Variants in POLR1B observed in about 807,000 individuals in gnomAD.
The protein encoded by POLR1B is RNA polymerase I subunit B.
POLR1B carries 30 observed loss-of-function variants against 105.8 expected under a neutral mutation model. The ratio of observed to expected loss-of-function variants is 0.28; its 90% CI spans 0.21 to 0.38. The LOEUF (loss-of-function observed/expected upper bound fraction) is 0.38, where lower values mean the gene tolerates loss of function less well. POLR1B is among the 10% of genes least tolerant of loss of function. The probability of loss-of-function intolerance (pLI) is 1.00; values close to 1 mark genes in which losing one functional copy is unlikely to be tolerated. For synonymous variants in POLR1B, 485 were observed against 505.1 expected, an observed-to-expected ratio of 0.96 and a Z score of 0.53; for missense variants, 976 against 1,435.8, an observed-to-expected ratio of 0.68 and a Z score of 5.17.
chr2:112,568,235 G>A (rs1471167773), intron 11 of POLR1B, 98 bp downstream of exon 11: 4 of 1,221,002 alleles, frequency 3.3e-6, no homozygotes, highest in African/African-American at 3.0e-5. Flanking sequence ...GGTTGTTAAT[G>A]TTACAACAAC....
intron 8 of POLR1B, 68 bp downstream of exon 8, chr2:112,558,149 C>G: frequency 1.7e-6 from 2 of 1,202,784 alleles, no homozygotes; most frequent in Non-Finnish European, 2.1e-6. Context: ...TTGCCTGTCC[C>G]TGAGAGTTCT....
intron 1 of POLR1B, among the ~76,000 whole-genome samples, chr2:112,546,329 T>C (rs2104506446): frequency 6.6e-6 from 1 of 152,320 alleles, no homozygotes; most frequent in South Asian, 2.1e-4. Context: ...ATCCTTGCTC[T>C]ATTAGCAGTA....
At chr2:112,559,197 C>A in intron 8 of POLR1B, 96 bp from the exon 9 acceptor site, 2 of 1,347,490 alleles carry the variant, frequency 1.5e-6, no homozygotes, top group South Asian at 1.3e-5. Context: ...ATTCTATGAT[C>A]TGTAGAGTGC....
chr2:112,542,150 CA>C (rs1323488153), upstream of POLR1B: 2 of 1,535,716 alleles, frequency 1.3e-6, no homozygotes, highest in Non-Finnish European at 8.7e-7. Context: ...TTGACTGAGC[CA>C]ATGAGAGCCA....
intron 1 of POLR1B, among the ~76,000 whole-genome samples, chr2:112,543,363 G>A (rs1284834378): frequency 1.1e-4 from 7 of 66,390 alleles, no homozygotes; most frequent in Non-Finnish European, 3.4e-5. Context: ...GTCGTGTTTG[G>A]GGGTTGAAGG....
chr2:112,549,508 T>C, intron 4 of POLR1B, 109 bp downstream of exon 4: 1 of 891,300 alleles, frequency 1.1e-6, no homozygotes, highest in African/African-American at 1.7e-5. Flanking sequence ...TCTTTTTTTT[T>C]TTTTTTTTGG....
chr2:112,543,639 G>A (rs1345578932), intron 1 of POLR1B, among the ~76,000 whole-genome samples: 29 of 152,182 alleles, frequency 1.9e-4, no homozygotes, highest in Admixed American at 1.9e-3. Flanking sequence ...AATGTGGAGA[G>A]CTTTGATTGC....
rs532565771 is a variant in POLR1B, at chr2:112,573,228, G to C, written c.2272-334G>C. Among the ~76,000 whole-genome samples, 335 of 152,216 alleles carry C rather than the reference G, an allele frequency of 2.2e-3. 3 individuals are homozygous for C. The highest frequency in any genetic ancestry group is 2.9e-3 in the Non-Finnish European group (195 of 68,008). On this transcript the variant is annotated intron_variant, in intron 13 of 14. Transcript: ENST00000263331. ...AGCAGTTCTCCTGCCTCAGCCTCTC[G>C]AATAGCTGGGACTACAGGCACCCAT...
At chr2:112,563,785 T>A (rs1485297523) in intron 9 of POLR1B, among the ~76,000 whole-genome samples, 1 of 152,088 alleles carries the variant, frequency 6.6e-6, no homozygotes, top group Non-Finnish European at 1.5e-5. Flanking sequence ...ACCTGTCAGC[T>A]ACTCGGGAGG....
intron 7 of POLR1B, 88 bp from the exon 8 acceptor site, chr2:112,557,822 G>A: frequency 3.1e-6 from 2 of 653,474 alleles, no homozygotes; most frequent in Non-Finnish European, 4.1e-6. Flanking sequence ...TTGGTCTCAA[G>A]CGATCCACCC....
rs191558837 is a variant in POLR1B at position 112,567,948 on chromosome 2, C to G, written c.1747-19C>G. 1 of 1,611,222 alleles carries G rather than the reference C, an allele frequency of 6.2e-7. No individual in the cohort carries two copies. The highest frequency in any genetic ancestry group is 8.5e-7 in the Non-Finnish European group (1 of 1,177,798). Reference sequence around the variant, plus strand: ...GGCCTTGGGACAGGTTTGTTAAACTCTGTTTTTGTTAAAAACAGGTGTTGA... The same window carrying G: ...GGCCTTGGGACAGGTTTGTTAAACTGTGTTTTTGTTAAAAACAGGTGTTGA... On this transcript the variant is annotated intron_variant, in intron 10 of 14. Coordinates refer to ENST00000263331, the MANE Select transcript of POLR1B (RefSeq NM_019014.6).
chr2:112,559,935 T>C (rs1683885049), intron 9 of POLR1B, among the ~76,000 whole-genome samples: 1 of 152,072 alleles, frequency 6.6e-6, no homozygotes, highest in South Asian at 2.1e-4. Context: ...CGGCCAAGGT[T>C]ACGTGGTTTT....
chr2:112,542,251 G>C, upstream of POLR1B: 3 of 1,534,966 alleles, frequency 2.0e-6, no homozygotes, highest in Non-Finnish European at 2.6e-6. Context: ...GAATATGGGA[G>C]AAAGGGAGGG....
intron 12 of POLR1B, among the ~76,000 whole-genome samples, chr2:112,572,345 C>T (rs947091428): frequency 3.3e-5 from 5 of 152,124 alleles, no homozygotes; most frequent in Admixed American, 1.3e-4. Flanking sequence ...GCACTTTCTC[C>T]CACTCAGCAT....
upstream of POLR1B, chr2:112,542,233 G>A: frequency 6.5e-7 from 1 of 1,535,692 alleles, no homozygotes. Context: ...GGGGAGATGA[G>A]TGGGGCGGAA....
At position 112,547,406 on chromosome 2, in the gene POLR1B, CTT is replaced by C; in HGVS notation, c.346-14_346-13del. 6.2e-7 allele frequency: 1 copy of C among 1,607,234 alleles called. No individual in the cohort carries two copies. Among genetic ancestry groups the C allele is most frequent in the African/African-American group, 1.3e-5 (1 of 74,626 alleles). On this transcript the variant is annotated splice_polypyrimidine_tract_variant and intron_variant, in intron 2 of 14. Transcript: ENST00000263331. ...ATATTTCTGTTAAGTAACTTTTTCT[CTT>C]GTTTTCATTTAGGCTGATATCAACT...
Position 112,568,846 on chromosome 2 carries a change from T to G in POLR1B, c.2018T>G (p.Phe673Cys), listed in dbSNP as rs1442611662. 2 of 1,614,076 alleles carry G rather than the reference T, an allele frequency of 1.2e-6. No homozygotes were observed. The highest frequency in any genetic ancestry group is 1.7e-6 in the Non-Finnish European group (2 of 1,180,034). Residue 673 changes from phenylalanine (F) to cysteine (C), a missense_variant, in exon 12 of 15, where the codon TTC (phenylalanine) becomes TGC (cysteine). By Grantham distance (205) the Phe-to-Cys change is radical (BLOSUM62 -2). Around this residue, in one of 12 missense-constraint regions of POLR1B, gnomAD observed 184 missense variants for 197.4 expected, o/e 0.93. Coordinates refer to ENST00000263331, the MANE Select transcript of POLR1B (RefSeq NM_019014.6). ...AGCCTGCTGAGTGTGATTGCCAACTTCATCCCTTTCTCTGATCACAACCAG... is the reference window on the plus strand; with the variant it reads ...AGCCTGCTGAGTGTGATTGCCAACTGCATCCCTTTCTCTGATCACAACCAG... Reference protein sequence around the residue: ...PHSLLSVIANFIPFSDHNQSP... With the variant: ...PHSLLSVIANCIPFSDHNQSP...
Position 112,575,492 on chromosome 2 carries a change from C to T in POLR1B, c.3171C>T (p.Arg1057=), listed in dbSNP as rs1684819028. The change falls in exon 15 of 15, where the codon CGC becomes CGT. Residue 1057 remains arginine (R), a synonymous_variant. Coordinates refer to ENST00000263331, the MANE Select transcript of POLR1B (RefSeq NM_019014.6). This position sits in a 1 kb window ranked among gnomAD's most constrained non-coding sequence, Gnocchi z 5.3. ...GTACATCTTTTCTCCTTCATGACCG[C>T]CTCTTCAACTGCTCAGATCGGTCGG... ...AHGTSFLLHD[R]LFNCSDRSVA... 6.2e-7 allele frequency: 1 copy of T among 1,614,048 alleles called. No individual in the cohort carries two copies. The highest frequency in any genetic ancestry group is 8.5e-7 in the Non-Finnish European group (1 of 1,180,042).
At chr2:112,558,213 C>T in intron 8 of POLR1B, 132 bp downstream of exon 8, 1 of 603,178 alleles carries the variant, frequency 1.7e-6, no homozygotes, top group Non-Finnish European at 2.5e-6. Flanking sequence ...ATGACTTCGA[C>T]AACTATTGGT....
Sources: gnomAD v4.1 joint callset for allele counts (sites outside exome capture counted in the v4.1 genomes callset) on GRCh38, gnomAD v4.1.1 for gene constraint, gnomAD v4.1.1 regional missense constraint, Gnocchi (gnomAD v3.1) non-coding constraint, MANE v1.5 for transcripts, NCBI Gene and HGNC (gene_info 2026-07-23, HGNC 2026-07-21) for gene names.